Variants in PHF24 observed in about 807,000 individuals in gnomAD.
The protein encoded by PHF24 is Galpha inhibitory interacting protein.
PHF24 carries 25 observed loss-of-function variants against 42.6 expected under a neutral mutation model. The ratio of observed to expected loss-of-function variants is 0.59; its 90% CI spans 0.43 to 0.82. The LOEUF (loss-of-function observed/expected upper bound fraction) is 0.82, where lower values mean the gene tolerates loss of function less well. Ranked by LOEUF, PHF24 falls within the 40% of genes least tolerant of loss-of-function variation. The pLI is 0.00. For missense variants in PHF24, 470 were observed against 538.1 expected (o/e 0.87, Z 1.25); for synonymous variants, 185 against 204.8 (o/e 0.90, Z 0.83).
chr9:34,978,407 C>G, exon 8 of PHF24: 1 of 369,248 alleles, frequency 2.7e-6, no homozygotes, highest in South Asian at 4.6e-5. Context: ...CACATGCTGC[C>G]CAGCTGTCCA....
the PHF24 span, among the ~76,000 whole-genome samples, chr9:34,818,943 T>C: frequency 3.9e-5 from 6 of 152,330 alleles, no homozygotes; most frequent in African/African-American, 1.4e-4. Flanking sequence ...AAAATTTTCT[T>C]CATGTGAAAG....
chr9:34,767,690 G>A, the PHF24 span, among the ~76,000 whole-genome samples: 15 of 152,316 alleles, frequency 9.8e-5, no homozygotes, highest in East Asian at 3.9e-4. Flanking sequence ...GCTTCGGCTC[G>A]CGCATGGTGC....
chr9:34,695,025 G>A, the PHF24 span, among the ~76,000 whole-genome samples: 1 of 152,174 alleles, frequency 6.6e-6, no homozygotes, highest in Non-Finnish European at 1.5e-5. Context: ...GTATGCTAAT[G>A]AGATAACTGG....
chr9:34,943,911 G>A, the PHF24 span, among the ~76,000 whole-genome samples: 1 of 152,224 alleles, frequency 6.6e-6, no homozygotes, highest in African/African-American at 2.4e-5. Flanking sequence ...CCACCACTGT[G>A]GTGCTAGTGC....
At chr9:34,922,961 T>C in the PHF24 span, 1 of 1,269,852 alleles carries the variant, frequency 7.9e-7, no homozygotes, top group African/African-American at 1.5e-5. Context: ...TGTGTCGGCA[T>C]GGCCTCGCCC....
the PHF24 span, chr9:34,836,919 T>C: frequency 9.3e-6 from 3 of 322,560 alleles, no homozygotes; most frequent in African/African-American, 6.5e-5. Flanking sequence ...ATTATGCCTT[T>C]GCAACCCTCT....
chr9:34,927,247 A>G, the PHF24 span, among the ~76,000 whole-genome samples: 1 of 152,154 alleles, frequency 6.6e-6, no homozygotes, highest in Admixed American at 6.5e-5. Flanking sequence ...AGCTGATCCT[A>G]GGCCCAAGCT....
At chr9:34,850,762 G>T in the PHF24 span, among the ~76,000 whole-genome samples, 1 of 152,122 alleles carries the variant, frequency 6.6e-6, no homozygotes, top group African/African-American at 2.4e-5. Context: ...GATGGTGATG[G>T]ACAGATGGGT....
At chr9:34,863,332 C>A in the PHF24 span, among the ~76,000 whole-genome samples, 1 of 151,942 alleles carries the variant, frequency 6.6e-6, no homozygotes, top group Non-Finnish European at 1.5e-5. Context: ...GACCCAGTGC[C>A]GTGGTGGCTT....
the PHF24 span, chr9:34,681,206 A>G: frequency 6.6e-6 from 1 of 152,232 alleles, no homozygotes; most frequent in Non-Finnish European, 1.5e-5. Context: ...GCCTGGACCC[A>G]CAGCAGGCTT....
chr9:34,767,148 A>G, the PHF24 span, among the ~76,000 whole-genome samples: 1 of 152,218 alleles, frequency 6.6e-6, no homozygotes, highest in Non-Finnish European at 1.5e-5. Context: ...CTCGGGGGTC[A>G]GGGGTCAGGG....
chr9:34,728,025 T>G, the PHF24 span: 2 of 1,552,100 alleles, frequency 1.3e-6, no homozygotes, highest in Non-Finnish European at 1.7e-6. Flanking sequence ...AGATCACCTT[T>G]TAATGATGGA....
the PHF24 span, among the ~76,000 whole-genome samples, chr9:34,888,595 C>A: frequency 6.6e-6 from 1 of 152,190 alleles, no homozygotes; most frequent in Non-Finnish European, 1.5e-5. Flanking sequence ...GAGATTCTAT[C>A]ATCTGGTTTT....
the PHF24 span, chr9:34,726,947 A>G: frequency 9.0e-5 from 139 of 1,551,246 alleles, no homozygotes; most frequent in South Asian, 1.6e-3. Context: ...ATCTGCACAC[A>G]GGATTCGCCG....
the PHF24 span, among the ~76,000 whole-genome samples, chr9:34,934,061 T>G: frequency 2.6e-5 from 4 of 152,168 alleles, no homozygotes; most frequent in African/African-American, 9.7e-5. Flanking sequence ...AGCAAAGCAC[T>G]AAACCATCTT....
At chr9:34,820,394 C>A in the PHF24 span, among the ~76,000 whole-genome samples, 1 of 152,068 alleles carries the variant, frequency 6.6e-6, no homozygotes, top group African/African-American at 2.4e-5. Flanking sequence ...CCACCCTCCA[C>A]CCTCAAGTAG....
the PHF24 span, chr9:34,665,702 T>C: frequency 2.9e-6 from 2 of 700,636 alleles, no homozygotes; most frequent in Non-Finnish European, 5.2e-6. Flanking sequence ...CATGATTGAA[T>C]CAGGGATTCC....
chr9:34,862,763 A>G, the PHF24 span, among the ~76,000 whole-genome samples: 1 of 151,676 alleles, frequency 6.6e-6, no homozygotes, highest in Admixed American at 6.6e-5. Context: ...AGAAAAGTAG[A>G]GGAAAAAGTA....
At chr9:34,967,174 G>A (rs547929607) in intron 1 of PHF24, among the ~76,000 whole-genome samples, 3 of 152,310 alleles carry the variant, frequency 2.0e-5, no homozygotes, top group African/African-American at 7.2e-5. Context: ...AGACTCCTAA[G>A]AGAAGCTTGA....
Sources: allele counts gnomAD v4.1 joint callset (sites outside exome capture counted in the v4.1 genomes callset), GRCh38; gene constraint gnomAD v4.1.1; transcripts MANE v1.5; gene names NCBI Gene and HGNC (gene_info 2026-07-23, HGNC 2026-07-21).